NETO1: variants seen among roughly 807,000 people sequenced by gnomAD.
The protein encoded by NETO1 is neuropilin and tolloid-like protein 1.
Under a neutral mutation model 61.3 loss-of-function variants are expected in NETO1, and 26 were observed. The observed-to-expected ratio is 0.42, with a 90% CI of 0.31 to 0.59. NETO1 has a LOEUF of 0.59. NETO1 is among the 20% of genes least tolerant of loss of function. The pLI is 0.12. For synonymous variants in NETO1, 225 were observed against 225.8 expected, an observed-to-expected ratio of 1.00 and a Z score of 0.03; for missense variants, 531 against 662.8, an observed-to-expected ratio of 0.80 and a Z score of 2.18.
chr18:72,850,512 G>C (rs1306325131), intron 4 of NETO1, among the ~76,000 whole-genome samples: 1 of 152,152 alleles, frequency 6.6e-6, no homozygotes, highest in Non-Finnish European at 1.5e-5. Context: ...AAATTGTTAT[G>C]AAAGGAAATG....
chr18:72,801,995 A>G (rs2072522609), intron 4 of NETO1, among the ~76,000 whole-genome samples: 1 of 152,166 alleles, frequency 6.6e-6, no homozygotes, highest in African/African-American at 2.4e-5. Flanking sequence ...AATCTATTCC[A>G]AATAAAATCA....
chr18:72,865,641 G>A (rs1184322744), intron 1 of NETO1: 3 of 1,587,942 alleles, frequency 1.9e-6, no homozygotes, highest in African/African-American at 2.7e-5. Flanking sequence ...GGAGGAAAAG[G>A]AGAGGCAAAC....
At chr18:72,847,687 T>C (rs2074130701) in intron 4 of NETO1, among the ~76,000 whole-genome samples, 1 of 152,208 alleles carries the variant, frequency 6.6e-6, no homozygotes, top group South Asian at 2.1e-4. Flanking sequence ...TTAATCTAAG[T>C]GTAGGAAAGT....
chr18:72,792,188 T>C (rs1373994458), intron 6 of NETO1, among the ~76,000 whole-genome samples: 1 of 152,132 alleles, frequency 6.6e-6, no homozygotes, highest in Non-Finnish European at 1.5e-5. Context: ...TCCTAGCACT[T>C]TGGGAGGCCG....
Position 72,830,133 on chromosome 18 carries a change from C to T in NETO1, c.469+28693G>A, listed in dbSNP as rs766088994. 1.3e-5 allele frequency among the ~76,000 whole-genome samples: 2 copies of T among 152,110 alleles called. No homozygotes were observed. Among genetic ancestry groups the T allele is most frequent in the Non-Finnish European group, 2.9e-5 (2 of 68,024 alleles). On this transcript the variant is annotated intron_variant, in intron 4 of 10. Coordinates refer to ENST00000327305, the MANE Select transcript of NETO1 (RefSeq NM_138966.5). This position sits in a 1 kb window ranked among gnomAD's most constrained non-coding sequence, Gnocchi z 4.9. ...GAAATATGAAGGAAGTACTATAAAA[C>T]CTATGGCTTTATCATCATAGAGGAT...
chr18:72,832,739 G>T (rs1288637327), intron 4 of NETO1, among the ~76,000 whole-genome samples: 1 of 152,196 alleles, frequency 6.6e-6, no homozygotes, highest in African/African-American at 2.4e-5. Flanking sequence ...ACAGGCTGAA[G>T]TATGGTTGAT....
chr18:72,763,832 C>T (rs777487606), intron 7 of NETO1, among the ~76,000 whole-genome samples: 1 of 152,048 alleles, frequency 6.6e-6, no homozygotes, highest in African/African-American at 2.4e-5. Context: ...GAAGAAATAC[C>T]CAAGACTAGC....
chr18:72,780,444 C>T (rs1266572747), intron 7 of NETO1, among the ~76,000 whole-genome samples: 18 of 152,112 alleles, frequency 1.2e-4, no homozygotes, highest in Non-Finnish European at 2.5e-4. Context: ...AACATATATA[C>T]AGTTCACCAT....
At chr18:72,787,309 A>G (rs892628236) in intron 6 of NETO1, among the ~76,000 whole-genome samples, 19 of 151,740 alleles carry the variant, frequency 1.3e-4, no homozygotes, top group Non-Finnish European at 2.8e-4. Flanking sequence ...TAGGGTAAGT[A>G]AAGAGTGCGT....
intron 7 of NETO1, among the ~76,000 whole-genome samples, chr18:72,757,852 A>C (rs9947173): frequency 6.6e-6 from 1 of 151,888 alleles, no homozygotes; most frequent in Non-Finnish European, 1.5e-5. Context: ...TGTATGCAGC[A>C]TATAAAGGAG....
chr18:72,836,255 C>T (rs2073746160), intron 4 of NETO1, among the ~76,000 whole-genome samples: 1 of 152,124 alleles, frequency 6.6e-6, no homozygotes, highest in South Asian at 2.1e-4. Flanking sequence ...CGTGATCCAC[C>T]ATTCTTCTGC....
At chr18:72,827,090 C>T (rs200861314) in intron 4 of NETO1, among the ~76,000 whole-genome samples, 123 of 142,724 alleles carry the variant, frequency 8.6e-4, no homozygotes, top group Non-Finnish European at 1.5e-3. Flanking sequence ...TCAATGCTTT[C>T]TTTTTTTTTT....
rs1473606650 is a variant in NETO1 at position 72,750,510 on chromosome 18, T to G, written c.1093A>C (p.Ile365Leu). The change falls in exon 9 of 11, where the codon ATC (isoleucine) becomes CTC (leucine). Residue 365 changes from isoleucine to leucine, a missense_variant. Ile to Leu is a conservative substitution (Grantham distance 5). Coordinates refer to ENST00000327305, the MANE Select transcript of NETO1 (RefSeq NM_138966.5). ...ACATACTTTTTACGAGGCTGTTTGA[T>G]CTGTACGATGACAGAGATGATAATG... ...ILIIISVIVQ[I>L]KQPRKKYVQR... is the part of the protein sequence containing the mutation. The G allele has an allele frequency of 1.2e-6, 2 of 1,614,092 alleles. No individual in the cohort carries two copies. Among genetic ancestry groups the G allele is most frequent in the East Asian group, 4.5e-5 (2 of 44,868 alleles).
intron 4 of NETO1, among the ~76,000 whole-genome samples, chr18:72,857,939 G>A (rs1227116310): frequency 6.6e-6 from 1 of 152,026 alleles, no homozygotes; most frequent in Non-Finnish European, 1.5e-5. Flanking sequence ...TATCAAAGCT[G>A]TATTTAGATG....
chr18:72,748,913 G>C (rs2070496319), intron 10 of NETO1, 101 bp downstream of exon 10: 1 of 778,230 alleles, frequency 1.3e-6, no homozygotes, highest in African/African-American at 1.7e-5. Context: ...CATATCTCAA[G>C]AAATAATGGA....
At chr18:72,765,565 C>A (rs563082266) in intron 7 of NETO1, among the ~76,000 whole-genome samples, 1 of 152,094 alleles carries the variant, frequency 6.6e-6, no homozygotes, top group South Asian at 2.1e-4. Flanking sequence ...ATTACAGGCA[C>A]CTGTCACTGT....
chr18:72,760,697 G>A (rs537606504), intron 7 of NETO1, among the ~76,000 whole-genome samples: 8 of 152,200 alleles, frequency 5.3e-5, no homozygotes, highest in South Asian at 2.1e-4. Context: ...TTACCCAAGC[G>A]ACTTAATAAT....
At chr18:72,752,308 C>T (rs998535134) in intron 8 of NETO1, among the ~76,000 whole-genome samples, 6 of 152,066 alleles carry the variant, frequency 3.9e-5, no homozygotes, top group African/African-American at 1.4e-4. Context: ...AGCAATCAGC[C>T]GGCAATTGGT....
intron 4 of NETO1, among the ~76,000 whole-genome samples, chr18:72,828,266 G>T (rs779356485): frequency 6.6e-6 from 1 of 151,914 alleles, no homozygotes; most frequent in Admixed American, 6.6e-5. Context: ...AGCCAAGATC[G>T]CACCATTGCA....
Sources: gnomAD v4.1 joint callset for allele counts (sites outside exome capture counted in the v4.1 genomes callset) on GRCh38, gnomAD v4.1.1 for gene constraint, Gnocchi (gnomAD v3.1) non-coding constraint, MANE v1.5 for transcripts, NCBI Gene and HGNC (gene_info 2026-07-23, HGNC 2026-07-21) for gene names.